JAK2: variants seen among roughly 807,000 people sequenced by gnomAD.
The protein encoded by JAK2 is tyrosine-protein kinase JAK2.
In JAK2, 86 loss-of-function variants were observed where a neutral mutation model predicts 139.3. The observed-to-expected ratio is 0.62, with a 90% CI of 0.52 to 0.74. The LOEUF (loss-of-function observed/expected upper bound fraction) is 0.74. Ranked by LOEUF, JAK2 falls within the 30% of genes least tolerant of loss-of-function variation. JAK2 has a pLI of 0.00. For synonymous variants in JAK2, 490 were observed against 437.7 expected, an observed-to-expected ratio of 1.12 and a Z score of -1.49; for missense variants, 1,421 against 1,360.3, an observed-to-expected ratio of 1.04 and a Z score of -0.70.
chr9:5,042,124 C>CTTTTTT lies in JAK2; in HGVS notation c.351-2260_351-2255dup, dbSNP rs71326152. Among the ~76,000 whole-genome samples the CTTTTTT allele has an allele frequency of 3.3e-4, 36 of 107,606 alleles. 1 individual carries two copies. The highest frequency in any genetic ancestry group is 8.1e-4 in the African/African-American group (21 of 26,076). The allele number at this position is 107,606 out of a possible 152,430, so 70.6% of individuals were successfully genotyped here. A position where few individuals can be genotyped will look rare whatever the true frequency, so the allele number is the denominator to read the frequency against. On this transcript the variant is annotated intron_variant, in intron 4 of 24. Transcript: ENST00000381652. ...CTTCACGTAAGACTGGCCAAAATTT[C>CTTTTTT]TTTTTTTTTTTTTTTTTTTTTTTTG...
At chr9:4,998,054 A>G (rs1413221998) in intron 2 of JAK2, among the ~76,000 whole-genome samples, 1 of 152,180 alleles carries the variant, frequency 6.6e-6, no homozygotes, top group African/African-American at 2.4e-5. Flanking sequence ...GATTTAAACA[A>G]CTTCTAGATT....
chr9:4,990,620 T>A (rs1234847558), intron 2 of JAK2, among the ~76,000 whole-genome samples: 1 of 151,832 alleles, frequency 6.6e-6, no homozygotes, highest in African/African-American at 2.4e-5. Context: ...AAAAACAGTA[T>A]GAGAGGCAAA....
intron 4 of JAK2, among the ~76,000 whole-genome samples, chr9:5,035,867 G>A (rs905834187): frequency 6.6e-6 from 1 of 152,184 alleles, no homozygotes; most frequent in Admixed American, 6.5e-5. Context: ...CATAGTGTTG[G>A]AAGTTCTGGC....
At chr9:5,013,205 T>C (rs1821814147) in intron 2 of JAK2, among the ~76,000 whole-genome samples, 2 of 152,190 alleles carry the variant, frequency 1.3e-5, no homozygotes, top group Admixed American at 1.3e-4. Flanking sequence ...ATAACTTATA[T>C]CTTCTTCTTT....
intron 2 of JAK2, among the ~76,000 whole-genome samples, chr9:5,010,021 C>T (rs1486700281): frequency 6.6e-6 from 1 of 152,176 alleles, no homozygotes; most frequent in Non-Finnish European, 1.5e-5. Flanking sequence ...ATCCTCTCGC[C>T]TTGGACTTCC....
intron 22 of JAK2, among the ~76,000 whole-genome samples, chr9:5,106,459 A>T (rs1003092469): frequency 3.3e-5 from 5 of 152,258 alleles, no homozygotes; most frequent in Non-Finnish European, 5.9e-5. Context: ...GGAGTAGTGT[A>T]AACTAGTTCA....
intron 2 of JAK2, among the ~76,000 whole-genome samples, chr9:4,987,260 G>T (rs537716022): frequency 6.6e-6 from 1 of 152,280 alleles, no homozygotes; most frequent in Non-Finnish European, 1.5e-5. Flanking sequence ...AGGGAATTTT[G>T]TGTGTGTGTG....
chr9:5,088,059 G>GTGT (rs1469919691), intron 19 of JAK2, among the ~76,000 whole-genome samples: 6 of 152,178 alleles, frequency 3.9e-5, no homozygotes, highest in Non-Finnish European at 8.8e-5. Context: ...TTTCTAAAAT[G>GTGT]TGTTTTGGAA....
rs894193793 is a variant in JAK2, at chr9:5,128,143, A to C, written c.*1352A>C. The C allele has an allele frequency of 4.3e-6, 1 of 231,038 alleles. No individual in the cohort carries two copies. The highest frequency in any genetic ancestry group is 8.5e-6 in the Non-Finnish European group (1 of 116,982). 14.3% of individuals were successfully genotyped at this position (231,038 alleles called of 1,614,324 possible). On this transcript the variant is annotated 3_prime_UTR_variant, in exon 25 of 25. Transcript: ENST00000381652. ...GTGTTATTTATACAAAACTTAAAAT[A>C]CTTGCTGTTTTGATTAAAAAGAAAA...
At position 5,090,510 on chromosome 9, in the gene JAK2, A is replaced by G. The variant is rs766718643; in HGVS notation, c.2826A>G (p.Gln942=). The G allele has an allele frequency of 2.5e-6, 4 of 1,594,744 alleles. No homozygotes were observed. The highest frequency in any genetic ancestry group is 2.7e-5 in the African/African-American group (2 of 74,380). ...LPYGSLRDYL[Q]KHKERIDHIK... ...ATGGAAGTTTACGAGACTATCTTCA[A>G]AAACATAAAGAACGGATAGATCACA... Residue 942 remains glutamine, a synonymous_variant, in exon 21 of 25, where the codon CAA becomes CAG. Transcript: ENST00000381652.
In JAK2 at chr9:5,078,700, T is replaced by C. The variant is rs138868283; in HGVS notation, c.2131+256T>C. 5.2e-3 allele frequency among the ~76,000 whole-genome samples: 787 copies of C among 152,278 alleles called. 12 individuals carry two copies. Among genetic ancestry groups the C allele is most frequent in the African/African-American group, 0.018 (756 of 41,552 alleles). On this transcript the variant is annotated intron_variant, in intron 16 of 24. Transcript: ENST00000381652. ...CTCTAATTATGTATGAAGGATAGGA[T>C]TTTATCCATTTTTAGTATGAAGTTT...
intron 22 of JAK2, chr9:5,110,940 C>T (rs930069369): frequency 3.4e-5 from 20 of 584,472 alleles, no homozygotes; most frequent in South Asian, 2.3e-4. Context: ...GGATGGCATC[C>T]GTGGACACGG....
At chr9:5,078,601 C>T (rs1421407385) in intron 16 of JAK2, among the ~76,000 whole-genome samples, 157 bp downstream of exon 16, 1 of 152,050 alleles carries the variant, frequency 6.6e-6, no homozygotes, top group African/African-American at 2.4e-5. Flanking sequence ...TTAGTTAAAT[C>T]TTAGTCTCTA....
intron 15 of JAK2, among the ~76,000 whole-genome samples, chr9:5,078,042 C>T (rs77885555): frequency 6.6e-6 from 1 of 152,250 alleles, no homozygotes; most frequent in African/African-American, 2.4e-5. Context: ...GAAACACAAA[C>T]CATGTCAGCC....
intron 4 of JAK2, among the ~76,000 whole-genome samples, chr9:5,040,477 C>A (rs1586684719): frequency 6.6e-6 from 1 of 152,232 alleles, no homozygotes. Flanking sequence ...TTAAAAACAT[C>A]TGTGTGTCAA....
At chr9:5,049,835 G>C (rs533453022) in intron 5 of JAK2, among the ~76,000 whole-genome samples, 154 of 152,226 alleles carry the variant, frequency 1.0e-3, no homozygotes, top group African/African-American at 3.7e-3. Flanking sequence ...ATTGCTCTAG[G>C]CTACAAACTT....
intron 4 of JAK2, among the ~76,000 whole-genome samples, chr9:5,042,867 G>C (rs1293974123): frequency 1.3e-5 from 2 of 152,250 alleles, no homozygotes; most frequent in Non-Finnish European, 2.9e-5. Context: ...GGTCGCCACA[G>C]GCACGGCCAC....
intron 5 of JAK2, among the ~76,000 whole-genome samples, chr9:5,045,597 C>G (rs1816950730): frequency 6.6e-6 from 1 of 152,118 alleles, no homozygotes; most frequent in African/African-American, 2.4e-5. Flanking sequence ...TGGCCTTTTG[C>G]AATCACCATT....
intron 22 of JAK2, among the ~76,000 whole-genome samples, chr9:5,121,867 T>C (rs187955863): frequency 1.3e-5 from 2 of 152,254 alleles, no homozygotes; most frequent in East Asian, 1.9e-4. Flanking sequence ...GAGTGCTATA[T>C]GAAAACCAGA....
Sources: gnomAD v4.1 joint callset for allele counts (sites outside exome capture counted in the v4.1 genomes callset) on GRCh38, gnomAD v4.1.1 for gene constraint, MANE v1.5 for transcripts, NCBI Gene and HGNC (gene_info 2026-07-23, HGNC 2026-07-21) for gene names.